Variants in NLRP1 observed in about 807,000 individuals in gnomAD.
NLRP1 encodes the protein NACHT, LRR and PYD domains-containing protein 1.
A neutral mutation model predicts 136.7 loss-of-function variants in NLRP1; 94 were observed. The observed-to-expected ratio is 0.69, with a 90% CI of 0.58 to 0.82. NLRP1 has a LOEUF of 0.82. Among genes scored for constraint, NLRP1 ranks in the 40% least tolerant of loss-of-function variants. The pLI, the probability that NLRP1 is intolerant of heterozygous loss-of-function variation, is 0.00. For missense variants in NLRP1, 1,575 were observed against 1,802.7 expected, an observed-to-expected ratio of 0.87 and a Z score of 2.29; for synonymous variants, 690 against 725.1, an observed-to-expected ratio of 0.95 and a Z score of 0.78.
At chr17:5,503,794 G>GA (rs1187656689) in intron 15 of NLRP1, 7 of 151,894 alleles carry the variant, frequency 4.6e-5, no homozygotes, top group African/African-American at 1.5e-4. Context: ...AGCGTTCCAG[G>GA]AAAAACCTCA....
intron 4 of NLRP1, among the ~76,000 whole-genome samples, chr17:5,556,946 A>G (rs1463925743): frequency 6.6e-6 from 1 of 152,040 alleles, no homozygotes; most frequent in Non-Finnish European, 1.5e-5. Flanking sequence ...TGGTTATTAC[A>G]GAATGATGGA....
rs968972589 is a variant in NLRP1, at chr17:5,514,358, C to A, written c.*396G>T. On this transcript the variant is annotated 3_prime_UTR_variant, in exon 17 of 17. Coordinates refer to ENST00000572272, the MANE Select transcript of NLRP1 (RefSeq NM_033004.4). ...TGTACAAAGCCAAGAATCCACGTGG[C>A]CTCCCACGCTGAACCCCAATTTTGG... 4 of 1,042,316 alleles carry A rather than the reference C, an allele frequency of 3.8e-6. No homozygotes were observed. The African/African-American group carries it at 5.0e-5, about 13-fold the overall frequency. The allele number at this position is 1,042,316 out of a possible 1,614,324, so 64.6% of individuals were successfully genotyped here.
rs757080294 is a variant in NLRP1, at chr17:5,560,019, T to TTC, written c.675_676dup (p.Lys226ArgfsTer14). The TTC allele has an allele frequency of 1.3e-6, 2 of 1,572,358 alleles. No individual in the cohort carries two copies. The highest frequency in any genetic ancestry group is 8.6e-7 in the Non-Finnish European group (1 of 1,162,102). ...CCATGGGGGCCTGCCTTTCTCTGATTTCTCTCTCTCTCTTTCTCTGATTTC... is the reference window on the plus strand; with the variant it reads ...CCATGGGGGCCTGCCTTTCTCTGATTTCTCTCTCTCTCTCTTTCTCTGATTTC... On this transcript the variant is annotated frameshift_variant, in exon 4 of 17. Coordinates refer to ENST00000572272, the MANE Select transcript of NLRP1 (RefSeq NM_033004.4). LOFTEE classifies it high-confidence loss of function.
In NLRP1 at chr17:5,514,883, G is replaced by C. The variant is rs200001042; in HGVS notation, c.4293C>G (p.Ser1431Arg). Residue 1431 changes from serine to arginine, a missense_variant, in exon 17 of 17, where the codon AGC (serine) becomes AGG (arginine). Transcript: ENST00000572272. Reference sequence around the variant, plus strand: ...ACTTCCGGTCCCAGGACTGGCTCAAGCTGAACAGCTTCCGCATCTGGCTGG... The same window carrying C: ...ACTTCCGGTCCCAGGACTGGCTCAACCTGAACAGCTTCCGCATCTGGCTGG... ...TRPSQMRKLF[S>R]LSQSWDRKCK... 1 of 1,614,166 alleles carries C rather than the reference G, an allele frequency of 6.2e-7. No individual in the cohort carries two copies. Among genetic ancestry groups the C allele is most frequent in the East Asian group, 2.2e-5 (1 of 44,878 alleles).
chr17:5,582,170 T>C (rs1320866046), intron 2 of NLRP1, 108 bp from the exon 3 acceptor site: 2 of 914,364 alleles, frequency 2.2e-6, no homozygotes, highest in Non-Finnish European at 3.3e-6. Flanking sequence ...CTTAATAATA[T>C]TATTTTGAAA....
In NLRP1 at chr17:5,521,653, G is replaced by T. The variant is rs138536037; in HGVS notation, c.3654C>A (p.Leu1218=). ...ENPSFSPLGV[L]LKMIHNALRF... is the part of the protein sequence containing the mutation. Reference sequence around the variant, plus strand: ...GCAGGGCATTATGGATCATTTTCAGGAGGACTCCCAAGGGGGAGAAGCTGG... The same window carrying T: ...GCAGGGCATTATGGATCATTTTCAGTAGGACTCCCAAGGGGGAGAAGCTGG... Residue 1218 remains leucine, a synonymous_variant, in exon 13 of 17, where the codon CTC becomes CTA. Transcript: ENST00000572272. The T allele has an allele frequency of 6.3e-4, 1,011 of 1,614,038 alleles. No individual in the cohort carries two copies. Among genetic ancestry groups the T allele is most frequent in the Admixed American group, 1.6e-3 (96 of 60,022 alleles).
intron 15 of NLRP1, chr17:5,502,968 T>C (rs1907162887): frequency 6.6e-6 from 1 of 151,432 alleles, no homozygotes; most frequent in South Asian, 2.1e-4. Context: ...TGGAATGGCG[T>C]GAAGAATGGA....
intron 5 of NLRP1, among the ~76,000 whole-genome samples, chr17:5,548,410 G>A (rs945971236): frequency 6.6e-6 from 1 of 152,094 alleles, no homozygotes; most frequent in Non-Finnish European, 1.5e-5. Flanking sequence ...TCTGAGGATA[G>A]AGAGCCATCA....
In NLRP1 at chr17:5,542,610, C is replaced by G. The variant is rs1011876802; in HGVS notation, c.2529-583G>C. On this transcript the variant is annotated intron_variant, in intron 5 of 16. Transcript: ENST00000572272. ...CTGCTCCTTTCTGCTTTACTTTTCT[C>G]TATAGCTCATGTCACTCACAATATA... Among the ~76,000 whole-genome samples the G allele has an allele frequency of 4.6e-5, 7 of 152,256 alleles. No individual in the cohort carries two copies. In the South Asian group the frequency reaches 6.2e-4, roughly 14 times the overall value.
chr17:5,557,515 T>C (rs1243386787), intron 4 of NLRP1, among the ~76,000 whole-genome samples: 1 of 152,214 alleles, frequency 6.6e-6, no homozygotes, highest in Admixed American at 6.5e-5. Context: ...ATTAAATGAA[T>C]GTTTGTCTTC....
intron 7 of NLRP1, 55 bp from the exon 8 acceptor site, chr17:5,536,995 TCCCCAGGG>T: frequency 1.6e-6 from 2 of 1,281,800 alleles, no homozygotes; most frequent in Non-Finnish European, 2.3e-6. Context: ...GGTCCCCAGG[TCCCCAGGG>T]CCCAGAATCC....
chr17:5,508,078 G>T (rs1461776804), intron 15 of NLRP1, among the ~76,000 whole-genome samples: 1 of 151,962 alleles, frequency 6.6e-6, no homozygotes, highest in Non-Finnish European at 1.5e-5. Context: ...AGGTTGCGGT[G>T]AGCTGACATC....
chr17:5,562,631 T>A (rs775735706), intron 3 of NLRP1, among the ~76,000 whole-genome samples: 20 of 152,092 alleles, frequency 1.3e-4, no homozygotes, highest in Admixed American at 1.0e-3. Context: ...TAAGAGTGTA[T>A]CTCCTGGTGA....
At position 5,558,587 on chromosome 17, in the gene NLRP1, C is replaced by A. The variant is rs1914378534; in HGVS notation, c.2109G>T (p.Trp703Cys). ...GCAGCAGCAGCTGCAGGGACGGGAC[C>A]CACTGCATCAGGTTCCTCCCCTGAG... ...RLSQGRNLMQ[W>C]VPSLQLLLQP... Residue 703 changes from tryptophan (W) to cysteine (C), a missense_variant, in exon 4 of 17, where the codon TGG becomes TGT. Coordinates refer to ENST00000572272, the MANE Select transcript of NLRP1 (RefSeq NM_033004.4). The A allele has an allele frequency of 6.2e-7, 1 of 1,613,908 alleles. No individual in the cohort carries two copies. Among genetic ancestry groups the A allele is most frequent in the Non-Finnish European group, 8.5e-7 (1 of 1,180,004 alleles).
At chr17:5,531,221 T>TATCTA (rs1481087375) in intron 11 of NLRP1, among the ~76,000 whole-genome samples, 1 of 148,682 alleles carries the variant, frequency 6.7e-6, no homozygotes, top group Non-Finnish European at 1.5e-5. Context: ...TCTATCTATC[T>TATCTA]ATCTAATCTA....
downstream of NLRP1, among the ~76,000 whole-genome samples, chr17:5,513,046 G>A (rs910774421): frequency 5.3e-5 from 8 of 152,148 alleles, no homozygotes; most frequent in African/African-American, 9.7e-5. Context: ...TGATACAGGC[G>A]TGTCAGATTG....
chr17:5,525,654 T>C (rs1195400380), intron 12 of NLRP1, among the ~76,000 whole-genome samples: 1 of 152,212 alleles, frequency 6.6e-6, no homozygotes. Flanking sequence ...GCAGAGCAGC[T>C]AAATGATAGG....
rs757602930 is a variant in NLRP1, at chr17:5,582,740, C to T, written c.378G>A (p.Ala126=). 5 of 1,614,000 alleles carry T rather than the reference C, an allele frequency of 3.1e-6. No individual in the cohort carries two copies. The highest frequency in any genetic ancestry group is 4.5e-5 in the East Asian group (2 of 44,870). Residue 126 remains alanine (A), a synonymous_variant, in exon 2 of 17, where the codon GCG becomes GCA. Coordinates refer to ENST00000572272, the MANE Select transcript of NLRP1 (RefSeq NM_033004.4). ...VLMPWIHELP[A]GCTQGSERRV... ...TTCTCTCTGAGCCCTGGGTGCACCC[C>T]GCCGGCAATTCATGGATCCAGGGCA...
intron 7 of NLRP1, 38 bp downstream of exon 7, chr17:5,539,377 C>T (rs769943011): frequency 6.4e-7 from 1 of 1,573,148 alleles, no homozygotes. Context: ...CCCCCCAACC[C>T]TCTTCCCTCT....
Sources: gnomAD v4.1 joint callset for allele counts (sites outside exome capture counted in the v4.1 genomes callset) on GRCh38, gnomAD v4.1.1 for gene constraint, MANE v1.5 for transcripts, NCBI Gene and HGNC (gene_info 2026-07-23, HGNC 2026-07-21) for gene names.